Variants in KCNAB2 observed in about 807,000 individuals in gnomAD.
KCNAB2 encodes voltage-gated potassium channel subunit beta-2.
Under a neutral mutation model 63.6 loss-of-function variants are expected in KCNAB2, and 29 were observed. That is an observed-to-expected ratio of 0.46 (90% CI 0.34 to 0.62). KCNAB2 has a LOEUF of 0.62. Ranked by LOEUF, KCNAB2 falls within the 20% of genes least tolerant of loss-of-function variation. The probability of loss-of-function intolerance (pLI) is 0.01; values close to 1 mark genes in which losing one functional copy is unlikely to be tolerated. For missense variants in KCNAB2, 359 were observed against 563.9 expected, an observed-to-expected ratio of 0.64 and a Z score of 3.68; for synonymous variants, 222 against 224.2, an observed-to-expected ratio of 0.99 and a Z score of 0.09.
intron 2 of KCNAB2, 84 bp from the exon 3 acceptor site, chr1:6,072,670 TG>T (rs1013761386): frequency 3.5e-6 from 5 of 1,410,616 alleles, no homozygotes; most frequent in Non-Finnish European, 5.0e-6. Flanking sequence ...GGGGAGTGGG[TG>T]GGGGGCTGGC....
At chr1:6,020,652 T>A (rs1212418543) in intron 1 of KCNAB2, among the ~76,000 whole-genome samples, 1 of 152,202 alleles carries the variant, frequency 6.6e-6, no homozygotes, top group Non-Finnish European at 1.5e-5. Flanking sequence ...ACCACATTTT[T>A]AAAATTTCTA....
At chr1:6,023,903 G>C (rs902914006) in intron 1 of KCNAB2, among the ~76,000 whole-genome samples, 1 of 151,380 alleles carries the variant, frequency 6.6e-6, no homozygotes, top group Non-Finnish European at 1.5e-5. Context: ...CTCCTAAATA[G>C]CTGGGACCAC....
intron 4 of KCNAB2, among the ~76,000 whole-genome samples, chr1:6,081,009 G>A (rs896913279): frequency 3.3e-5 from 5 of 152,186 alleles, no homozygotes; most frequent in Non-Finnish European, 7.3e-5. Flanking sequence ...AGCCCTGTCC[G>A]AGAGCCAGAA....
chr1:6,099,642 G>A lies in KCNAB2; in HGVS notation c.*1068G>A. On this transcript the variant is annotated 3_prime_UTR_variant, in exon 16 of 16. Transcript: ENST00000378083. ...CGAGCTGGTGGGCTTGGGTTTTGTGGAGCGCATGCTTGGACCCTTTCAGTA... is the reference window on the plus strand; with the variant it reads ...CGAGCTGGTGGGCTTGGGTTTTGTGAAGCGCATGCTTGGACCCTTTCAGTA... 2.0e-6 allele frequency: 2 copies of A among 1,024,650 alleles called. No individual in the cohort carries two copies. Among genetic ancestry groups the A allele is most frequent in the South Asian group, 3.9e-5 (2 of 51,764 alleles). The allele number at this position is 1,024,650 out of a possible 1,614,324, so 63.5% of individuals were successfully genotyped here.
At chr1:6,052,219 T>C (rs1661452878) in intron 2 of KCNAB2, among the ~76,000 whole-genome samples, 1 of 152,030 alleles carries the variant, frequency 6.6e-6, no homozygotes, top group Admixed American at 6.6e-5. Flanking sequence ...CCCAGAAGTC[T>C]GAGACCAGCC....
intron 2 of KCNAB2, among the ~76,000 whole-genome samples, chr1:6,063,267 C>A (rs1662473347): frequency 6.6e-6 from 1 of 152,110 alleles, no homozygotes. Context: ...TCACGATCCA[C>A]CTGCCTCAGC....
chr1:6,009,988 G>A (rs1175159619), intron 1 of KCNAB2, among the ~76,000 whole-genome samples: 3 of 151,266 alleles, frequency 2.0e-5, no homozygotes, highest in Admixed American at 6.6e-5. Flanking sequence ...CTCCTGCCTC[G>A]GCCTCTGGTG....
intron 1 of KCNAB2, among the ~76,000 whole-genome samples, chr1:6,049,395 G>A (rs1002446083): frequency 6.6e-6 from 1 of 152,244 alleles, no homozygotes; most frequent in Non-Finnish European, 1.5e-5. Context: ...CAGCTAGAAA[G>A]GAATCAGCAA....
At chr1:6,043,350 A>T (rs1283066269), upstream of KCNAB2, among the ~76,000 whole-genome samples, 5 of 152,066 alleles carry the variant, frequency 3.3e-5, no homozygotes, top group Admixed American at 3.3e-4. Flanking sequence ...TTATCCAGTG[A>T]CCAAGTGAGA....
At chr1:6,023,125 G>A (rs1405924464) in intron 1 of KCNAB2, among the ~76,000 whole-genome samples, 1 of 152,082 alleles carries the variant, frequency 6.6e-6, no homozygotes, top group Admixed American at 6.6e-5. Flanking sequence ...CAAGTGATCT[G>A]CCTGCCTTGG....
chr1:6,040,626 TC>T lies in KCNAB2; in HGVS notation c.63del (p.Met23Ter). 6.2e-7 allele frequency: 1 copy of T among 1,613,158 alleles called. No individual in the cohort carries two copies. The highest frequency in any genetic ancestry group is 8.5e-7 in the Non-Finnish European group (1 of 1,179,624). ...TCGGCTCTCGCTGCGGCAGACGGGC[TC>T]CCCCGGGATGATCTACAGGTGACCC... On this transcript the variant is annotated frameshift_variant, in exon 2 of 16. Transcript: ENST00000164247. LOFTEE classifies it high-confidence loss of function.
Position 6,028,243 on chromosome 1 carries a change from T to C in KCNAB2, c.-52-12274T>C, listed in dbSNP as rs1010178399. 1.3e-5 allele frequency among the ~76,000 whole-genome samples: 2 copies of C among 152,150 alleles called. No homozygotes were observed. The highest frequency in any genetic ancestry group is 4.8e-5 in the African/African-American group (2 of 41,424). On this transcript the variant is annotated intron_variant, in intron 1 of 16. Transcript: ENST00000341524. This position sits in a 1 kb window ranked among gnomAD's most constrained non-coding sequence, Gnocchi z 4.0. ...GCTTCTGGGTGAGAGGGGAAGTGTG[T>C]GTTGTGTAAGTGCCCTTCTGTGTCA...
At position 6,074,514 on chromosome 1, in the gene KCNAB2, C is replaced by T. The variant is rs950147749; in HGVS notation, c.300+744C>T. ...CACAAGAAGCAGTTTTCACATTTAT[C>T]CTACTTAGCACTAGAAAGGTTGCGT... On this transcript the variant is annotated intron_variant, in intron 4 of 15. Transcript: ENST00000378083. This position sits in a 1 kb window ranked among gnomAD's most constrained non-coding sequence, Gnocchi z 4.9. Among the ~76,000 whole-genome samples the T allele has an allele frequency of 6.6e-6, 1 of 152,222 alleles. No homozygotes were observed. Among genetic ancestry groups the T allele is most frequent in the Non-Finnish European group, 1.5e-5 (1 of 68,036 alleles).
At chr1:6,009,883 T>C (rs1426238183) in intron 1 of KCNAB2, among the ~76,000 whole-genome samples, 9 of 151,552 alleles carry the variant, frequency 5.9e-5, no homozygotes, top group Non-Finnish European at 1.3e-4. Context: ...CTTTTTTTTT[T>C]TTTTTCCGAC....
intron 1 of KCNAB2, among the ~76,000 whole-genome samples, chr1:5,999,884 C>T (rs555160434): frequency 6.0e-5 from 9 of 151,082 alleles, no homozygotes; most frequent in South Asian, 4.2e-4. Flanking sequence ...GCGCCCTCTC[C>T]GCACCCTGTC....
Position 6,098,762 on chromosome 1 carries a change from C to T in KCNAB2, c.*188C>T, listed in dbSNP as rs376174888. 1.6e-4 allele frequency: 110 copies of T among 703,252 alleles called. No individual in the cohort carries two copies. The African/African-American group carries it at 1.8e-3, about 12-fold the overall frequency. 43.6% of individuals were successfully genotyped at this position (703,252 alleles called of 1,614,324 possible). The stretch of plus-strand genomic sequence containing the variant: ...CACCCACTGCTTCGCCGGACAATGT[C>T]GAAGTCCAGTCTGTGCCGGGGAAGG... On this transcript the variant is annotated 3_prime_UTR_variant, in exon 16 of 16. Coordinates refer to ENST00000378083, the MANE Select transcript of KCNAB2 (RefSeq NM_001199862.2).
At chr1:6,048,959 C>G (rs1661168685) in intron 1 of KCNAB2, among the ~76,000 whole-genome samples, 1 of 152,252 alleles carries the variant, frequency 6.6e-6, no homozygotes, top group South Asian at 2.1e-4. Context: ...CTCTGCCCTC[C>G]AGAGCGATTC....
At chr1:6,065,214 G>A (rs976457676) in intron 2 of KCNAB2, among the ~76,000 whole-genome samples, 1 of 152,238 alleles carries the variant, frequency 6.6e-6, no homozygotes, top group African/African-American at 2.4e-5. Flanking sequence ...TACAAGCTCA[G>A]ACATCCAGCC....
intron 2 of KCNAB2, chr1:6,040,674 C>T (rs773699435): frequency 5.0e-6 from 7 of 1,405,450 alleles, no homozygotes; most frequent in Non-Finnish European, 7.1e-6. Context: ...ACCCAGGCCC[C>T]CTCCCAGGGT....
Sources: gnomAD v4.1 joint callset for allele counts (sites outside exome capture counted in the v4.1 genomes callset) on GRCh38, gnomAD v4.1.1 for gene constraint, Gnocchi (gnomAD v3.1) non-coding constraint, MANE v1.5 for transcripts, NCBI Gene and HGNC (gene_info 2026-07-23, HGNC 2026-07-21) for gene names.